The following CYFIP1 variants were observed in gnomAD, a reference collection of about 807,000 sequenced individuals.
The protein encoded by CYFIP1 is cytoplasmic FMR1 interacting protein 1.
Under a neutral mutation model 163.5 loss-of-function variants are expected in CYFIP1, and 58 were observed. That is an observed-to-expected ratio of 0.35 (90% CI 0.29 to 0.44). The LOEUF is 0.44. CYFIP1 is among the 20% of genes least tolerant of loss of function. The probability of loss-of-function intolerance (pLI) is 1.00; values close to 1 mark genes in which losing one functional copy is unlikely to be tolerated. For missense variants in CYFIP1, 1,338 were observed against 1,653.8 expected (o/e 0.81, Z 3.31); for synonymous variants, 663 against 660.7 (o/e 1.00, Z -0.05).
In CYFIP1 at chr15:22,952,860, C is replaced by T. The variant is rs565234153; in HGVS notation, c.-6-5569G>A. Among the ~76,000 whole-genome samples, 247 of 152,294 alleles carry T rather than the reference C, an allele frequency of 1.6e-3. 3 individuals carry two copies. Among genetic ancestry groups the T allele is most frequent in the Admixed American group, 3.1e-3 (48 of 15,308 alleles). On this transcript the variant is annotated intron_variant, in intron 1 of 30. Coordinates refer to ENST00000617928, the MANE Select transcript of CYFIP1 (RefSeq NM_014608.6). Reference sequence around the variant, plus strand: ...AAACTGCTTTGTAAGCTCTTTCTTTCTCCCAGCTTCCACAAAATTTCTCAA... The same window carrying T: ...AAACTGCTTTGTAAGCTCTTTCTTTTTCCCAGCTTCCACAAAATTTCTCAA...
intron 1 of CYFIP1, among the ~76,000 whole-genome samples, chr15:22,966,007 G>T (rs1567042513): frequency 6.6e-6 from 1 of 152,126 alleles, no homozygotes; most frequent in Non-Finnish European, 1.5e-5. Context: ...AAGTTAAAAT[G>T]AATCCATCAG....
intron 3 of CYFIP1, among the ~76,000 whole-genome samples, chr15:22,946,016 T>C (rs770687782): frequency 1.3e-5 from 2 of 152,118 alleles, no homozygotes; most frequent in Non-Finnish European, 2.9e-5. Flanking sequence ...GGCATGAAAA[T>C]ATTCTTGTCC....
At chr15:22,943,495 T>C in intron 5 of CYFIP1, 141 bp from the exon 6 acceptor site, 3 of 878,902 alleles carry the variant, frequency 3.4e-6, no homozygotes, top group South Asian at 3.5e-5. Flanking sequence ...GTGTTTACAA[T>C]GTGGGCAACC....
chr15:22,977,369 T>C (rs902459591), intron 1 of CYFIP1, among the ~76,000 whole-genome samples: 9 of 152,326 alleles, frequency 5.9e-5, no homozygotes, highest in African/African-American at 1.9e-4. Flanking sequence ...CCAATTTGTA[T>C]GCCTTTTCTT....
At chr15:22,902,862 G>A (rs188443118) in intron 22 of CYFIP1, among the ~76,000 whole-genome samples, 85 of 152,326 alleles carry the variant, frequency 5.6e-4, no homozygotes, top group African/African-American at 1.9e-3. Context: ...GGACTGGGCC[G>A]TGGGGCAGCT....
Position 22,944,624 on chromosome 15 carries a change from G to C in CYFIP1, c.321C>G (p.Ile107Met). The C allele has an allele frequency of 6.2e-7, 1 of 1,613,970 alleles. No individual in the cohort carries two copies. Among genetic ancestry groups the C allele is most frequent in the Non-Finnish European group, 8.5e-7 (1 of 1,179,836 alleles). The change falls in exon 5 of 31, where the codon ATC (isoleucine) becomes ATG (methionine). Residue 107 changes from isoleucine to methionine, a missense_variant. This residue lies in a region of CYFIP1 where 186 missense variants were observed against 288.3 expected (regional missense o/e 0.65). Transcript: ENST00000617928. ...KCNEQPNRVE[I>M]YEKTVEVLEP... Reference sequence around the variant, plus strand: ...CCAGAACCTCCACGGTTTTCTCGTAGATTTCCACTCTGTTAGGCTGCTCGT... The same window carrying C: ...CCAGAACCTCCACGGTTTTCTCGTACATTTCCACTCTGTTAGGCTGCTCGT...
At chr15:22,930,399 A>G (rs2061500955) in intron 11 of CYFIP1, among the ~76,000 whole-genome samples, 2 of 151,426 alleles carry the variant, frequency 1.3e-5, no homozygotes, top group Non-Finnish European at 1.5e-5. Flanking sequence ...CAAAAAAAAA[A>G]AAAAAAAAAA....
rs549686997 is a variant in CYFIP1 at position 22,869,483 on chromosome 15, T to A, written c.*545A>T. 2.0e-5 allele frequency: 3 copies of A among 152,354 alleles called. No individual in the cohort carries two copies. Among genetic ancestry groups the A allele is most frequent in the African/African-American group, 4.8e-5 (2 of 41,552 alleles). The allele number at this position is 152,354 out of a possible 1,614,324, so 9.4% of individuals were successfully genotyped here. The stretch of plus-strand genomic sequence containing the variant: ...ACACAAATAGATCTCATTAGTTTTA[T>A]TTCTATAACCTTTCGATCTGATGTC... On this transcript the variant is annotated 3_prime_UTR_variant, in exon 31 of 31. Transcript: ENST00000617928.
chr15:22,965,285 C>T (rs2062866867), intron 1 of CYFIP1, among the ~76,000 whole-genome samples: 1 of 152,146 alleles, frequency 6.6e-6, no homozygotes, highest in Admixed American at 6.6e-5. Context: ...GTGGTGAAAC[C>T]TCGTCTCTAC....
At chr15:22,938,923 TA>T (rs56169420) in intron 8 of CYFIP1, among the ~76,000 whole-genome samples, 41,669 of 73,858 alleles carry the variant, frequency 0.56, 11,400 homozygotes, top group East Asian at 0.7. Flanking sequence ...AAAAGCAGCT[TA>T]AAAAAAAAAA....
At chr15:22,963,529 CAT>C (rs1491300714) in intron 1 of CYFIP1, among the ~76,000 whole-genome samples, 6 of 144,892 alleles carry the variant, frequency 4.1e-5, no homozygotes, top group South Asian at 2.3e-4. Context: ...CATAACATAA[CAT>C]AACATAACAT....
intron 5 of CYFIP1, 115 bp from the exon 6 acceptor site, chr15:22,943,469 G>T: frequency 8.6e-7 from 1 of 1,167,920 alleles, no homozygotes; most frequent in African/African-American, 1.5e-5. Flanking sequence ...TCTGCCCAGT[G>T]AGGCTCCAGG....
chr15:22,876,523 T>C (rs1162926104), intron 26 of CYFIP1, among the ~76,000 whole-genome samples: 1 of 151,978 alleles, frequency 6.6e-6, no homozygotes, highest in Non-Finnish European at 1.5e-5. Flanking sequence ...CATAAATAAT[T>C]ATAGAACCAC....
At chr15:22,919,347 G>A (rs2061101834) in intron 13 of CYFIP1, among the ~76,000 whole-genome samples, 1 of 152,196 alleles carries the variant, frequency 6.6e-6, no homozygotes, top group Non-Finnish European at 1.5e-5. Context: ...CAGAAAAATG[G>A]TGCCAGGGCT....
chr15:22,933,151 G>A lies in CYFIP1; in HGVS notation c.992+651C>T, dbSNP rs1317463891. 2.7e-5 allele frequency among the ~76,000 whole-genome samples: 4 copies of A among 149,204 alleles called. No homozygotes were observed. The East Asian group carries it at 8.1e-4, about 30-fold the overall frequency. ...GCCCCACCCTCTTCTTTTTTTTTAA[G>A]ACAACCTTTTTAAACATAAAGACTA... On this transcript the variant is annotated intron_variant, in intron 10 of 30. Coordinates refer to ENST00000617928, the MANE Select transcript of CYFIP1 (RefSeq NM_014608.6).
At chr15:22,940,485 C>T (rs1335953560) in intron 6 of CYFIP1, among the ~76,000 whole-genome samples, 2 of 152,166 alleles carry the variant, frequency 1.3e-5, no homozygotes, top group Admixed American at 1.3e-4. Context: ...TGCCTGCTGA[C>T]TGGAATGGAG....
intron 30 of CYFIP1, among the ~76,000 whole-genome samples, chr15:22,870,699 T>C (rs1289294342): frequency 2.0e-5 from 3 of 152,164 alleles, no homozygotes; most frequent in Non-Finnish European, 4.4e-5. Flanking sequence ...CTGCTGTAGA[T>C]TCATTCATGC....
Position 22,867,722 on chromosome 15 carries a change from GTTC to G in CYFIP1, c.*2303_*2305del, listed in dbSNP as rs1321629593. 6.6e-6 allele frequency: 1 copy of G among 152,242 alleles called. No homozygotes were observed. Among genetic ancestry groups the G allele is most frequent in the African/African-American group, 2.4e-5 (1 of 41,412 alleles). 9.4% of individuals were successfully genotyped at this position (152,242 alleles called of 1,614,324 possible). ...TGTTATAATAAAAAGTTGAAATGAA[GTTC>G]TTATTCTAAAAGTCTGAATGCTTAG... On this transcript the variant is annotated 3_prime_UTR_variant, in exon 31 of 31. Transcript: ENST00000617928.
At chr15:22,946,578 T>G (rs372557756) in intron 3 of CYFIP1, 43 of 303,750 alleles carry the variant, frequency 1.4e-4, no homozygotes, top group African/African-American at 8.9e-4. Flanking sequence ...GAGGCGGAGG[T>G]TGCAGTGAAC....
Sources: allele counts gnomAD v4.1 joint callset (sites outside exome capture counted in the v4.1 genomes callset), GRCh38; gene constraint gnomAD v4.1.1; regional missense constraint gnomAD v4.1.1; transcripts MANE v1.5; gene names NCBI Gene and HGNC (gene_info 2026-07-23, HGNC 2026-07-21).